Variants in STK3 observed in about 807,000 individuals in gnomAD.
The protein encoded by STK3 is serine/threonine kinase 3.
STK3 carries 41 observed loss-of-function variants against 58.0 expected under a neutral mutation model. The ratio of observed to expected loss-of-function variants is 0.71; its 90% CI spans 0.55 to 0.92. The LOEUF is 0.92. STK3 is among the 40% of genes least tolerant of loss of function. The pLI is 0.00. For missense variants in STK3, 479 were observed against 602.7 expected (o/e 0.79, Z 2.15); for synonymous variants, 170 against 191.0 (o/e 0.89, Z 0.91).
intron 6 of STK3, among the ~76,000 whole-genome samples, chr8:98,698,806 T>G (rs1222058992): frequency 7.9e-5 from 12 of 151,766 alleles, no homozygotes; most frequent in African/African-American, 2.9e-4. Flanking sequence ...ATTTTTTCCT[T>G]CATTTCAACT....
intron 10 of STK3, among the ~76,000 whole-genome samples, chr8:98,465,254 G>A (rs1820377999): frequency 6.6e-6 from 1 of 152,228 alleles, no homozygotes; most frequent in East Asian, 1.9e-4. Flanking sequence ...TCAGCTAGAG[G>A]TGCTTATGTA....
intron 3 of STK3, among the ~76,000 whole-genome samples, chr8:98,765,586 G>T (rs1251360781): frequency 6.6e-6 from 1 of 152,068 alleles, no homozygotes; most frequent in East Asian, 1.9e-4. Context: ...GAAGTTGAAG[G>T]TTTCTGGGAA....
At chr8:98,669,819 T>A (rs576404461) in intron 6 of STK3, among the ~76,000 whole-genome samples, 74 of 152,352 alleles carry the variant, frequency 4.9e-4, no homozygotes, top group Admixed American at 2.4e-3. Flanking sequence ...GTTCTATGTA[T>A]GGCCTAGCCC....
At chr8:98,388,424 A>T (rs575345406), upstream of STK3, among the ~76,000 whole-genome samples, 7 of 152,358 alleles carry the variant, frequency 4.6e-5, no homozygotes, top group Admixed American at 4.6e-4. Flanking sequence ...ATCAATGTTA[A>T]GATGATGAAA....
At chr8:98,831,317 A>C (rs752012464) in intron 3 of STK3, among the ~76,000 whole-genome samples, 2 of 152,170 alleles carry the variant, frequency 1.3e-5, no homozygotes, top group African/African-American at 4.8e-5. Flanking sequence ...TAGTGACACA[A>C]TCAAAGCCCA....
intron 6 of STK3, chr8:98,598,193 C>G: frequency 1.0e-6 from 1 of 985,306 alleles, no homozygotes; most frequent in Non-Finnish European, 1.2e-6. Context: ...TGATTTATGT[C>G]CTTGAAGCCA....
downstream of STK3, chr8:98,880,768 A>C (rs1156880367): frequency 6.6e-6 from 1 of 152,248 alleles, no homozygotes; most frequent in African/African-American, 2.4e-5. Flanking sequence ...AATTAAAACA[A>C]AAAATTAGAA....
downstream of STK3, among the ~76,000 whole-genome samples, chr8:98,370,744 G>A (rs545200839): frequency 2.0e-5 from 3 of 152,304 alleles, no homozygotes; most frequent in African/African-American, 7.2e-5. Flanking sequence ...CAGATAAAAT[G>A]TAAGCTTGTC....
chr8:98,653,748 T>G (rs924916355), intron 6 of STK3, among the ~76,000 whole-genome samples: 1 of 152,120 alleles, frequency 6.6e-6, no homozygotes, highest in African/African-American at 2.4e-5. Context: ...ATGGATAAAT[T>G]CCTCGACACA....
chr8:98,442,570 G>A (rs1230159670), intron 1 of STK3, among the ~76,000 whole-genome samples: 2 of 152,226 alleles, frequency 1.3e-5, no homozygotes, highest in East Asian at 3.8e-4. Context: ...ACATCTGCAT[G>A]TGTGCTGAAG....
At chr8:98,859,453 T>C (rs1433735975) in intron 3 of STK3, among the ~76,000 whole-genome samples, 1 of 152,220 alleles carries the variant, frequency 6.6e-6, no homozygotes, top group Non-Finnish European at 1.5e-5. Flanking sequence ...GCTCTAGTTA[T>C]ACATGGATTT....
intron 1 of STK3, among the ~76,000 whole-genome samples, chr8:98,942,067 G>A (rs1424946462): frequency 6.6e-6 from 1 of 152,260 alleles, no homozygotes; most frequent in Non-Finnish European, 1.5e-5. Flanking sequence ...GCCGAGGGCT[G>A]CTGGGGGCGG....
intron 6 of STK3, among the ~76,000 whole-genome samples, chr8:98,632,623 A>G (rs1350160437): frequency 6.6e-6 from 1 of 152,242 alleles, no homozygotes; most frequent in Non-Finnish European, 1.5e-5. Flanking sequence ...AAAGTTCAAC[A>G]TTAACATTTT....
chr8:98,796,941 A>G (rs1394119478), intron 1 of STK3, among the ~76,000 whole-genome samples: 1 of 152,228 alleles, frequency 6.6e-6, no homozygotes, highest in African/African-American at 2.4e-5. Flanking sequence ...ATTATTAAAA[A>G]GTCAGGCCTC....
intron 1 of STK3, among the ~76,000 whole-genome samples, chr8:98,792,109 A>G (rs922626240): frequency 1.3e-5 from 2 of 152,272 alleles, no homozygotes; most frequent in African/African-American, 4.8e-5. Context: ...CAAACAAATT[A>G]AGAAAAAACA....
chr8:98,390,211 T>A (rs997631203), upstream of STK3, among the ~76,000 whole-genome samples: 2 of 152,266 alleles, frequency 1.3e-5, no homozygotes, highest in African/African-American at 4.8e-5. Context: ...GCATGTCCAC[T>A]GGCAACAAAT....
intron 1 of STK3, chr8:98,782,316 G>C (rs1832144443): frequency 5.6e-6 from 1 of 178,672 alleles, no homozygotes; most frequent in Admixed American, 6.2e-5. Flanking sequence ...TGCCAGAGAA[G>C]GTAACCTGGG....
intron 4 of STK3, 79 bp downstream of exon 4, chr8:98,749,197 T>C: frequency 9.0e-7 from 1 of 1,114,736 alleles, no homozygotes; most frequent in African/African-American, 1.6e-5. Flanking sequence ...ATTTTCTGTG[T>C]AACAAAATAC....
chr8:98,706,432 A>G (rs754048982), intron 6 of STK3, 35 bp downstream of exon 6: 1 of 1,565,770 alleles, frequency 6.4e-7, no homozygotes, highest in Non-Finnish European at 8.6e-7. Flanking sequence ...CACTTATATA[A>G]GGCTAACATT....
Sources: gnomAD v4.1 joint callset for allele counts (sites outside exome capture counted in the v4.1 genomes callset) on GRCh38, gnomAD v4.1.1 for gene constraint, MANE v1.5 for transcripts, NCBI Gene and HGNC (gene_info 2026-07-23, HGNC 2026-07-21) for gene names.